The following PCDH10 variants were observed in gnomAD, a reference collection of about 807,000 sequenced individuals.
PCDH10 encodes protocadherin 10.
In PCDH10, 15 loss-of-function variants were observed where a neutral mutation model predicts 74.4. The observed-to-expected ratio is 0.20, with a 90% CI of 0.13 to 0.31. PCDH10 has a LOEUF of 0.31. Among genes scored for constraint, PCDH10 ranks in the 10% least tolerant of loss-of-function variants. The pLI is 1.00. For missense variants in PCDH10, 1,260 were observed against 1,390.2 expected (o/e 0.91, Z 1.49); for synonymous variants, 619 against 589.8 (o/e 1.05, Z -0.72).
chr4:133,196,486 G>T (rs571451822), downstream of PCDH10, among the ~76,000 whole-genome samples: 8 of 152,258 alleles, frequency 5.3e-5, no homozygotes, highest in Non-Finnish European at 8.8e-5. Context: ...AATATCTCAA[G>T]CAGTGATCTT....
Position 133,190,514 on chromosome 4 carries a change from G to A in PCDH10, c.*354G>A. The A allele has an allele frequency of 4.3e-6, 1 of 230,410 alleles. No homozygotes were observed. The highest frequency in any genetic ancestry group is 8.9e-5 in the East Asian group (1 of 11,214). 14.3% of individuals were successfully genotyped at this position (230,410 alleles called of 1,614,324 possible). Reference sequence around the variant, plus strand: ...AGTCATAAAGATAAAGGAAATTTGTGCATTATAAATGCAATATCACTGTTT... The same window carrying A: ...AGTCATAAAGATAAAGGAAATTTGTACATTATAAATGCAATATCACTGTTT... On this transcript the variant is annotated 3_prime_UTR_variant, in exon 5 of 5. Coordinates refer to ENST00000264360, the MANE Select transcript of PCDH10 (RefSeq NM_032961.3).
chr4:133,151,625 C>A lies in PCDH10; in HGVS notation c.1485C>A (p.Asn495Lys). The change falls in exon 1 of 5, where the codon AAC becomes AAA. Residue 495 changes from asparagine to lysine, a missense_variant. Physicochemically the swap from Asn to Lys is moderately conservative, Grantham distance 94 (BLOSUM62 0). This residue lies in a region of PCDH10 where 587 missense variants were observed against 616.9 expected (regional missense o/e 0.95). Coordinates refer to ENST00000264360, the MANE Select transcript of PCDH10 (RefSeq NM_032961.3). ...VSATDRDEGANAQLAYSILEC... is the reference protein window; with the variant it reads ...VSATDRDEGAKAQLAYSILEC... Reference sequence around the variant, plus strand: ...CCACCGACCGGGATGAGGGCGCCAACGCCCAGCTTGCCTACTCTATCCTCG... The same window carrying A: ...CCACCGACCGGGATGAGGGCGCCAAAGCCCAGCTTGCCTACTCTATCCTCG... The A allele has an allele frequency of 6.2e-7, 1 of 1,613,806 alleles. No individual in the cohort carries two copies. Among genetic ancestry groups the A allele is most frequent in the Non-Finnish European group, 8.5e-7 (1 of 1,180,042 alleles).
At chr4:133,154,136 A>G (rs1726807573) in intron 1 of PCDH10, among the ~76,000 whole-genome samples, 171 bp from the exon 2 acceptor site, 1 of 152,178 alleles carries the variant, frequency 6.6e-6, no homozygotes, top group Non-Finnish European at 1.5e-5. Context: ...GTCCCTGCAT[A>G]TCTCCCCTGC....
At chr4:133,170,756 G>A (rs1315349390) in intron 4 of PCDH10, among the ~76,000 whole-genome samples, 3 of 152,000 alleles carry the variant, frequency 2.0e-5, no homozygotes, top group African/African-American at 7.2e-5. Flanking sequence ...GCAGTGGTGC[G>A]ATCTTGGCTC....
chr4:133,175,950 T>C (rs1361440775), intron 4 of PCDH10, among the ~76,000 whole-genome samples: 1 of 152,146 alleles, frequency 6.6e-6, no homozygotes, highest in Non-Finnish European at 1.5e-5. Context: ...AGTTTTCAGC[T>C]TTAAAATGTG....
At chr4:133,180,923 AT>A (rs149442291) in intron 4 of PCDH10, among the ~76,000 whole-genome samples, 9,159 of 151,712 alleles carry the variant, frequency 0.06, 735 homozygotes, top group African/African-American at 0.19. Context: ...CATTTTTGTG[AT>A]TTTTTTAAAG....
chr4:133,153,408 T>C (rs1191729157), intron 1 of PCDH10: 1 of 216,286 alleles, frequency 4.6e-6, no homozygotes, highest in Admixed American at 6.5e-5. Flanking sequence ...TGAATGAAGC[T>C]GCGTTGGCAC....
In PCDH10 at chr4:133,152,928, C is replaced by T. The variant is rs1018893968; in HGVS notation, c.2631+157C>T. On this transcript the variant is annotated intron_variant, in intron 1 of 4. Transcript: ENST00000264360. Reference sequence around the variant, plus strand: ...AGAGATGGGCGGTCACCTTCTCCCACTCCTTCGTGTGTAACCTAACTTTCG... The same window carrying T: ...AGAGATGGGCGGTCACCTTCTCCCATTCCTTCGTGTGTAACCTAACTTTCG... 35 of 1,456,560 alleles carry T rather than the reference C, an allele frequency of 2.4e-5. No individual in the cohort carries two copies. In the African/African-American group the frequency reaches 4.4e-4, roughly 18 times the overall value. The allele number at this position is 1,456,560 out of a possible 1,614,324, so 90.2% of individuals were successfully genotyped here. A position where few individuals can be genotyped will look rare whatever the true frequency, so the allele number is the denominator to read the frequency against.
At chr4:133,184,902 AACTGTGTCAACTACCTC>A (rs1411540928) in intron 4 of PCDH10, among the ~76,000 whole-genome samples, 117 of 147,702 alleles carry the variant, frequency 7.9e-4, no homozygotes, top group African/African-American at 2.8e-3. Context: ...GGACTACTGC[AACTGTGTCAACTACCTC>A]TCATATTATT....
intron 3 of PCDH10, among the ~76,000 whole-genome samples, chr4:133,157,806 T>C (rs1726896397): frequency 6.6e-6 from 1 of 152,218 alleles, no homozygotes; most frequent in South Asian, 2.1e-4. Flanking sequence ...TTTTCTTTTT[T>C]TGTTCTATCT....
chr4:133,160,112 T>A (rs978497955), intron 3 of PCDH10, among the ~76,000 whole-genome samples: 2 of 152,004 alleles, frequency 1.3e-5, no homozygotes, highest in African/African-American at 4.8e-5. Context: ...AATTTTTCTG[T>A]TACTTATCTG....
chr4:133,168,005 AT>A (rs1219176871), intron 4 of PCDH10, among the ~76,000 whole-genome samples: 1 of 151,260 alleles, frequency 6.6e-6, no homozygotes, highest in African/African-American at 2.4e-5. Context: ...AATATTACTT[AT>A]TTTATTGTAT....
intron 4 of PCDH10, among the ~76,000 whole-genome samples, chr4:133,165,516 G>A (rs919096741): frequency 2.0e-5 from 3 of 151,590 alleles, no homozygotes; most frequent in African/African-American, 7.3e-5. Flanking sequence ...ATTCAGAATA[G>A]AAATAGTGTC....
chr4:133,168,795 TGTC>T (rs1727140390), intron 4 of PCDH10, among the ~76,000 whole-genome samples: 1 of 151,654 alleles, frequency 6.6e-6, no homozygotes, highest in African/African-American at 2.4e-5. Flanking sequence ...TCATTAATGT[TGTC>T]ATTATTTATT....
At position 133,150,275 on chromosome 4, in the gene PCDH10, T is replaced by G. The variant is rs75753256; in HGVS notation, c.135T>G (p.Ile45Met). The G allele has an allele frequency of 7.2e-5, 116 of 1,613,930 alleles. No individual in the cohort carries two copies. The East Asian group carries it at 2.5e-3, about 34-fold the overall frequency. ...GNIAEDLGLDITKLSARGFQT... is the reference protein window; with the variant it reads ...GNIAEDLGLDMTKLSARGFQT... ...TCGCTGAAGATCTGGGTCTGGACATTACAAAACTTTCGGCTCGCGGGTTTC... is the reference window on the plus strand; with the variant it reads ...TCGCTGAAGATCTGGGTCTGGACATGACAAAACTTTCGGCTCGCGGGTTTC... The change falls in exon 1 of 5, where the codon ATT becomes ATG. Residue 45 changes from isoleucine to methionine, a missense_variant. Ile to Met is a conservative substitution (Grantham distance 10, BLOSUM62 1). Coordinates refer to ENST00000264360, the MANE Select transcript of PCDH10 (RefSeq NM_032961.3).
chr4:133,151,121 C>T lies in PCDH10; in HGVS notation c.981C>T (p.Tyr327=). Residue 327 remains tyrosine, a synonymous_variant, in exon 1 of 5, where the codon TAC becomes TAT. Coordinates refer to ENST00000264360, the MANE Select transcript of PCDH10 (RefSeq NM_032961.3). ...AAGAGAGCCCAGTGTACCAAGTGTA[C>T]GTGCAAGCCAAGGACCTGGGCCCCA... ...DYEESPVYQV[Y]VQAKDLGPNA... 6.2e-7 allele frequency: 1 copy of T among 1,614,110 alleles called. No homozygotes were observed. Among genetic ancestry groups the T allele is most frequent in the East Asian group, 2.2e-5 (1 of 44,858 alleles).
chr4:133,203,278 C>A (rs1273777257), intron 2 of PCDH10, among the ~76,000 whole-genome samples: 2 of 152,070 alleles, frequency 1.3e-5, no homozygotes, highest in East Asian at 3.9e-4. Context: ...CAATTTTGTT[C>A]TCTCCCCTTG....
intron 4 of PCDH10, among the ~76,000 whole-genome samples, chr4:133,167,326 C>T (rs1727106972): frequency 6.6e-6 from 1 of 151,486 alleles, no homozygotes. Flanking sequence ...CCTTCATTAT[C>T]TCAGCCTGCC....
intron 2 of PCDH10, among the ~76,000 whole-genome samples, chr4:133,202,761 G>A (rs1189194943): frequency 6.6e-6 from 1 of 152,128 alleles, no homozygotes; most frequent in Non-Finnish European, 1.5e-5. Flanking sequence ...GGGACATCCT[G>A]ACTAATGGAT....
Sources: gnomAD v4.1 joint callset for allele counts (sites outside exome capture counted in the v4.1 genomes callset) on GRCh38, gnomAD v4.1.1 for gene constraint, gnomAD v4.1.1 regional missense constraint, MANE v1.5 for transcripts, NCBI Gene and HGNC (gene_info 2026-07-23, HGNC 2026-07-21) for gene names.